ATP2B4: variants seen among roughly 807,000 people sequenced by gnomAD.
The protein encoded by ATP2B4 is plasma membrane calcium-transporting ATPase 4.
In ATP2B4, 39 loss-of-function variants were observed where a neutral mutation model predicts 110.3. The observed-to-expected ratio is 0.35, with a 90% CI of 0.27 to 0.46. The LOEUF is 0.46. ATP2B4 is among the 20% of genes least tolerant of loss of function. The pLI is 1.00. For synonymous variants in ATP2B4, 538 were observed against 571.7 expected (o/e 0.94, Z 0.84); for missense variants, 1,135 against 1,530.9 (o/e 0.74, Z 4.32).
chr1:203,628,254 G>T (rs1465215664), intron 1 of ATP2B4, among the ~76,000 whole-genome samples: 1 of 152,120 alleles, frequency 6.6e-6, no homozygotes, highest in African/African-American at 2.4e-5. Context: ...AGAGGGGGCT[G>T]CTGGCATCCT....
At position 203,720,749 on chromosome 1, in the gene ATP2B4, G is replaced by T; in HGVS notation, c.2598+9G>T. 6.2e-7 allele frequency: 1 copy of T among 1,606,356 alleles called. No homozygotes were observed. Among genetic ancestry groups the T allele is most frequent in the Non-Finnish European group, 8.5e-7 (1 of 1,175,528 alleles). ...GAGCCTGTATCACTCAGGTGAAGGG[G>T]GTGTGGGTGGGCTGAGACGGGAGGG... On this transcript the variant is annotated intron_variant, in intron 16 of 20. Coordinates refer to ENST00000357681, the MANE Select transcript of ATP2B4 (RefSeq NM_001684.5).
chr1:203,684,876 T>A (rs760511330), intron 2 of ATP2B4, among the ~76,000 whole-genome samples: 1 of 152,228 alleles, frequency 6.6e-6, no homozygotes, highest in Non-Finnish European at 1.5e-5. Context: ...TTTTTTGTTT[T>A]GAGAAGGAGT....
At chr1:203,654,692 C>T (rs1036804475) in intron 1 of ATP2B4, among the ~76,000 whole-genome samples, 1 of 151,966 alleles carries the variant, frequency 6.6e-6, no homozygotes, top group Non-Finnish European at 1.5e-5. Flanking sequence ...GAGTTTGAGA[C>T]CAGCCTGGCA....
intron 1 of ATP2B4, among the ~76,000 whole-genome samples, chr1:203,668,529 A>G (rs923535552): frequency 2.0e-5 from 3 of 151,972 alleles, no homozygotes; most frequent in African/African-American, 7.3e-5. Flanking sequence ...GTTTATCTCT[A>G]CCTCCAATGT....
intron 1 of ATP2B4, among the ~76,000 whole-genome samples, chr1:203,671,857 A>G (rs574493222): frequency 8.5e-5 from 13 of 152,316 alleles, no homozygotes; most frequent in Admixed American, 2.6e-4. Flanking sequence ...CCTCAGAGGT[A>G]CCTCTAGAGG....
chr1:203,729,049 C>T (rs1455827439), intron 20 of ATP2B4, among the ~76,000 whole-genome samples: 5 of 151,406 alleles, frequency 3.3e-5, no homozygotes, highest in South Asian at 2.1e-4. Flanking sequence ...ACCCAGGAGG[C>T]GGAGGTTGCA....
chr1:203,712,962 G>A (rs1478051340), intron 13 of ATP2B4, among the ~76,000 whole-genome samples: 1 of 152,180 alleles, frequency 6.6e-6, no homozygotes, highest in South Asian at 2.1e-4. Context: ...AAGAAAAAAA[G>A]CAGGGCCTGA....
chr1:203,717,940 G>A (rs931014400), intron 15 of ATP2B4, among the ~76,000 whole-genome samples: 1 of 151,912 alleles, frequency 6.6e-6, no homozygotes, highest in Non-Finnish European at 1.5e-5. Context: ...CACCGCGCCC[G>A]GCCTGAAACG....
intron 2 of ATP2B4, among the ~76,000 whole-genome samples, 164 bp from the exon 3 acceptor site, chr1:203,697,993 C>T (rs1558038705): frequency 6.6e-6 from 1 of 151,468 alleles, no homozygotes; most frequent in Non-Finnish European, 1.5e-5. Flanking sequence ...ACGTGAGATA[C>T]CATGCCTGGC....
intron 15 of ATP2B4, among the ~76,000 whole-genome samples, chr1:203,720,038 C>T (rs1010486723): frequency 1.2e-4 from 19 of 152,082 alleles, no homozygotes; most frequent in African/African-American, 4.6e-4. Context: ...TGCCACTGCA[C>T]TCCAGCCTGG....
intron 2 of ATP2B4, among the ~76,000 whole-genome samples, chr1:203,693,024 C>T (rs1009597376): frequency 2.0e-5 from 3 of 152,124 alleles, no homozygotes; most frequent in Non-Finnish European, 4.4e-5. Context: ...ACAAGATTTC[C>T]CCTCAGTTTC....
chr1:203,657,749 G>C, intron 1 of ATP2B4: 1 of 692,632 alleles, frequency 1.4e-6, no homozygotes. Flanking sequence ...CAATATATTC[G>C]TTCTGTGGCA....
chr1:203,654,670 A>T, intron 1 of ATP2B4, among the ~76,000 whole-genome samples: 1 of 152,200 alleles, frequency 6.6e-6, no homozygotes, highest in East Asian at 1.9e-4. Context: ...CATGAGGATC[A>T]CTTGAGCCTA....
At chr1:203,725,926 T>TTTA (rs1666499756) in intron 19 of ATP2B4, among the ~76,000 whole-genome samples, 1 of 147,326 alleles carries the variant, frequency 6.8e-6, no homozygotes, top group Admixed American at 6.8e-5. Context: ...TTTTTTTTTT[T>TTTA]AAGAGATGGG....
chr1:203,663,611 C>CTT (rs892156841), intron 1 of ATP2B4, among the ~76,000 whole-genome samples: 2 of 145,432 alleles, frequency 1.4e-5, no homozygotes, highest in Non-Finnish European at 3.0e-5. Context: ...CTCTCTCTCT[C>CTT]TTTTTTTTTT....
rs759250029 is a variant in ATP2B4, at chr1:203,715,869, G to A, written c.2406+1592G>A. ...TCTTGGAGTGCGCCTCCTTCCAGCT[G>A]TACCAGTAGCTGTACTAGCTGTATA... On this transcript the variant is annotated intron_variant, in intron 15 of 20. Transcript: ENST00000357681. 5.5e-5 allele frequency among the ~76,000 whole-genome samples: 8 copies of A among 144,446 alleles called. 1 individual carries two copies. The highest frequency in any genetic ancestry group is 1.4e-4 in the Admixed American group (2 of 14,452). 94.8% of individuals were successfully genotyped at this position (144,446 alleles called of 152,430 possible).
At chr1:203,701,561 T>C (rs1282730518) in intron 6 of ATP2B4, among the ~76,000 whole-genome samples, 1 of 152,246 alleles carries the variant, frequency 6.6e-6, no homozygotes. Context: ...CATCTTGAGC[T>C]GTTTAGTGGA....
intron 1 of ATP2B4, among the ~76,000 whole-genome samples, chr1:203,671,043 G>A (rs1221383087): frequency 6.6e-6 from 1 of 152,188 alleles, no homozygotes; most frequent in Non-Finnish European, 1.5e-5. Flanking sequence ...GGCAGTAAGA[G>A]GTTTTTAATC....
Position 203,695,511 on chromosome 1 carries a change from G to T in ATP2B4, c.194-2646G>T, listed in dbSNP as rs147448929. Among the ~76,000 whole-genome samples, 71 of 152,284 alleles carry T rather than the reference G, an allele frequency of 4.7e-4. No homozygotes were observed. The East Asian group carries it at 0.012, about 26-fold the overall frequency. On this transcript the variant is annotated intron_variant, in intron 2 of 20. Transcript: ENST00000357681. ...TCACAGCTCTGCGGGGCTCAGCTGTGCCCCTAAGCTGGAGGCCAGGGTGAT... is the reference window on the plus strand; with the variant it reads ...TCACAGCTCTGCGGGGCTCAGCTGTTCCCCTAAGCTGGAGGCCAGGGTGAT...
Sources: gnomAD v4.1 joint callset for allele counts (sites outside exome capture counted in the v4.1 genomes callset) on GRCh38, gnomAD v4.1.1 for gene constraint, MANE v1.5 for transcripts, NCBI Gene and HGNC (gene_info 2026-07-23, HGNC 2026-07-21) for gene names.